Variants in SLC4A4 observed in about 807,000 individuals in gnomAD.
SLC4A4 encodes the protein electrogenic sodium bicarbonate cotransporter 1.
Under a neutral mutation model 111.5 loss-of-function variants are expected in SLC4A4, and 27 were observed. The observed-to-expected ratio is 0.24, with a 90% CI of 0.18 to 0.33. The LOEUF (loss-of-function observed/expected upper bound fraction) is 0.33, where lower values mean the gene tolerates loss of function less well. SLC4A4 is among the 10% of genes least tolerant of loss of function. The probability of loss-of-function intolerance (pLI) is 1.00; values close to 1 mark genes in which losing one functional copy is unlikely to be tolerated. For synonymous variants in SLC4A4, 443 were observed against 463.4 expected (o/e 0.96, Z 0.57); for missense variants, 909 against 1,315.5 (o/e 0.69, Z 4.78).
chr4:71,435,221 A>G (rs1224184482), intron 7 of SLC4A4, among the ~76,000 whole-genome samples: 3 of 152,190 alleles, frequency 2.0e-5, no homozygotes, highest in East Asian at 3.9e-4. Context: ...ATATAGAACA[A>G]TGAAACAGAA....
chr4:71,413,019 C>T (rs780411153), intron 7 of SLC4A4, among the ~76,000 whole-genome samples: 11 of 152,066 alleles, frequency 7.2e-5, no homozygotes, highest in Admixed American at 3.3e-4. Context: ...AGCCAGAAGC[C>T]CCCAGATGCA....
chr4:71,103,308 G>A (rs368255071), intron 2 of SLC4A4, among the ~76,000 whole-genome samples: 41 of 151,924 alleles, frequency 2.7e-4, no homozygotes, highest in South Asian at 8.4e-4. Flanking sequence ...TTAGACTCCC[G>A]CACATTAATA....
At chr4:71,133,708 G>C (rs529411587) in intron 2 of SLC4A4, among the ~76,000 whole-genome samples, 18 of 152,304 alleles carry the variant, frequency 1.2e-4, no homozygotes, top group African/African-American at 4.3e-4. Context: ...GTGAGTCCTA[G>C]GAAGTGTGAC....
At chr4:71,116,174 G>A (rs1264291131) in intron 2 of SLC4A4, among the ~76,000 whole-genome samples, 1 of 152,184 alleles carries the variant, frequency 6.6e-6, no homozygotes, top group African/African-American at 2.4e-5. Flanking sequence ...GATTATAGGT[G>A]TGGGCCACTG....
chr4:71,513,473 A>C (rs571518354), intron 16 of SLC4A4, among the ~76,000 whole-genome samples: 1 of 152,030 alleles, frequency 6.6e-6, no homozygotes, highest in South Asian at 2.1e-4. Flanking sequence ...TTGTGTGTTG[A>C]TTTTGTATCC....
At chr4:71,499,028 T>A (rs1265815834) in intron 16 of SLC4A4, among the ~76,000 whole-genome samples, 1 of 152,132 alleles carries the variant, frequency 6.6e-6, no homozygotes, top group African/African-American at 2.4e-5. Context: ...TTCAACTGTG[T>A]GGGTTTTGTG....
chr4:71,207,562 A>G lies in SLC4A4; in HGVS notation c.-2+20161A>G, dbSNP rs772656892. Among the ~76,000 whole-genome samples the G allele has an allele frequency of 1.9e-4, 29 of 152,344 alleles. 1 individual carries two copies. The highest frequency in any genetic ancestry group is 4.6e-4 in the Admixed American group (7 of 15,300). On this transcript the variant is annotated intron_variant, in intron 1 of 25. Coordinates refer to ENST00000264485, the MANE Select transcript of SLC4A4 (RefSeq NM_001098484.3). ...CTAAATGAAGTCACTTGACTATGAA[A>G]TACACTTTAAAATATTGAAATCAGA...
chr4:71,117,880 T>C (rs13108902), intron 2 of SLC4A4, among the ~76,000 whole-genome samples: 192 of 18,946 alleles, frequency 0.01, 2 homozygotes, highest in East Asian at 0.046. Flanking sequence ...CATTTTCTTT[T>C]TTTTTTTTTT....
chr4:71,438,457 G>A (rs1189988040), intron 7 of SLC4A4, among the ~76,000 whole-genome samples: 1 of 152,150 alleles, frequency 6.6e-6, no homozygotes, highest in African/African-American at 2.4e-5. Flanking sequence ...GAAAAGTCTA[G>A]GGAGCTTTAA....
intron 3 of SLC4A4, among the ~76,000 whole-genome samples, chr4:71,308,165 C>T (rs545164856): frequency 6.6e-6 from 1 of 152,122 alleles, no homozygotes; most frequent in South Asian, 2.1e-4. Flanking sequence ...GAAGTCTATA[C>T]TTGTAGGCTT....
At chr4:71,425,753 G>A (rs530379494) in intron 7 of SLC4A4, among the ~76,000 whole-genome samples, 1 of 152,204 alleles carries the variant, frequency 6.6e-6, no homozygotes, top group Non-Finnish European at 1.5e-5. Flanking sequence ...TTTCAGATTG[G>A]CAGTTGGTTG....
intron 2 of SLC4A4, among the ~76,000 whole-genome samples, chr4:71,247,533 A>G (rs532415226): frequency 9.2e-5 from 14 of 152,088 alleles, no homozygotes; most frequent in Non-Finnish European, 1.9e-4. Flanking sequence ...TGTGGTTGGA[A>G]TGAGAGTGTG....
At chr4:71,446,854 C>T (rs1457420405) in intron 8 of SLC4A4, among the ~76,000 whole-genome samples, 1 of 152,164 alleles carries the variant, frequency 6.6e-6, no homozygotes, top group Admixed American at 6.5e-5. Flanking sequence ...ATCCCCGCAT[C>T]CACAGTGCCA....
At chr4:71,122,938 G>GA (rs1240134171) in intron 2 of SLC4A4, among the ~76,000 whole-genome samples, 7 of 152,144 alleles carry the variant, frequency 4.6e-5, no homozygotes, top group Non-Finnish European at 1.0e-4. Flanking sequence ...AGGAATCAGG[G>GA]ATAGCACAGA....
chr4:71,512,249 A>G (rs1731997268), intron 16 of SLC4A4, among the ~76,000 whole-genome samples: 1 of 151,956 alleles, frequency 6.6e-6, no homozygotes. Context: ...CAACCATATA[A>G]AACATTTCTA....
intron 6 of SLC4A4, among the ~76,000 whole-genome samples, chr4:71,378,624 C>G (rs1055739101): frequency 9.2e-5 from 14 of 152,182 alleles, no homozygotes; most frequent in African/African-American, 3.1e-4. Context: ...TTTGTCTGTG[C>G]ACATGTGAGT....
intron 16 of SLC4A4, among the ~76,000 whole-genome samples, chr4:71,500,432 A>C (rs1369418551): frequency 6.6e-6 from 1 of 152,042 alleles, no homozygotes; most frequent in Non-Finnish European, 1.5e-5. Flanking sequence ...TTTTCTTTTA[A>C]TAATTTTACA....
intron 16 of SLC4A4, among the ~76,000 whole-genome samples, chr4:71,506,378 T>C (rs10032628): frequency 0.15 from 23,185 of 152,068 alleles, 3,512 homozygotes; most frequent in East Asian, 0.44. Context: ...TGAGTGGTGG[T>C]TTGTAGTTCT....
intron 3 of SLC4A4, 135 bp downstream of exon 3, chr4:71,255,534 A>G (rs932548245): frequency 2.4e-5 from 24 of 981,376 alleles, no homozygotes; most frequent in African/African-American, 4.8e-5. Flanking sequence ...TCTAAAGGAT[A>G]ATGTCTGTGG....
Sources: gnomAD v4.1 joint callset for allele counts (sites outside exome capture counted in the v4.1 genomes callset) on GRCh38, gnomAD v4.1.1 for gene constraint, MANE v1.5 for transcripts, NCBI Gene and HGNC (gene_info 2026-07-23, HGNC 2026-07-21) for gene names.